Variants in MPRIP observed in about 807,000 individuals in gnomAD.
MPRIP encodes the protein myosin phosphatase Rho-interacting protein.
Under a neutral mutation model 234.9 loss-of-function variants are expected in MPRIP, and 59 were observed. That is an observed-to-expected ratio of 0.25 (90% CI 0.20 to 0.31). The LOEUF (loss-of-function observed/expected upper bound fraction) is 0.31. Among genes scored for constraint, MPRIP ranks in the 10% least tolerant of loss-of-function variants. The pLI is 1.00. For synonymous variants in MPRIP, 1,144 were observed against 1,263.9 expected, an observed-to-expected ratio of 0.91 and a Z score of 2.01; for missense variants, 2,436 against 3,071.0, an observed-to-expected ratio of 0.79 and a Z score of 4.89.
chr17:17,176,920 CAG>C (rs749793247), intron 21 of MPRIP, among the ~76,000 whole-genome samples: 22 of 152,198 alleles, frequency 1.4e-4, no homozygotes, highest in Non-Finnish European at 8.8e-5. Flanking sequence ...ATCTAGGACA[CAG>C]AGAGGATTTC....
At chr17:17,101,170 C>T (rs1245147325) in intron 3 of MPRIP, among the ~76,000 whole-genome samples, 6 of 152,218 alleles carry the variant, frequency 3.9e-5, no homozygotes, top group Non-Finnish European at 8.8e-5. Context: ...GAGAGCCTTG[C>T]TTCACCCTCA....
chr17:17,060,896 T>C (rs2088849254), intron 1 of MPRIP, among the ~76,000 whole-genome samples: 1 of 152,206 alleles, frequency 6.6e-6, no homozygotes, highest in African/African-American at 2.4e-5. Flanking sequence ...TCTCCAGGAC[T>C]CAAGGCCCCA....
chr17:17,179,432 G>GA (rs1259438819), intron 22 of MPRIP: 1 of 142,782 alleles, frequency 7.0e-6, no homozygotes, highest in Non-Finnish European at 1.5e-5. Flanking sequence ...CCTGGCGACA[G>GA]AGCAAGACTC....
At chr17:17,150,104 C>A in intron 11 of MPRIP, 40 bp from the exon 12 acceptor site, 1 of 1,520,416 alleles carries the variant, frequency 6.6e-7, no homozygotes, top group Non-Finnish European at 9.1e-7. Flanking sequence ...ATTGGTTCTA[C>A]TTCCTAAAAA....
chr17:17,076,213 CT>C (rs757330682), intron 2 of MPRIP: 9 of 156,318 alleles, frequency 5.8e-5, no homozygotes, highest in Non-Finnish European at 1.3e-4. Flanking sequence ...GAGGCCTTGG[CT>C]TACCTCTTAC....
chr17:17,129,615 C>T (rs1729615634), intron 4 of MPRIP, among the ~76,000 whole-genome samples: 1 of 152,198 alleles, frequency 6.6e-6, no homozygotes, highest in Non-Finnish European at 1.5e-5. Flanking sequence ...CCTAGGCTTG[C>T]TGGAGCCAGC....
At position 17,154,392 on chromosome 17, in the gene MPRIP, G is replaced by A. The variant is rs755779604; in HGVS notation, c.1806G>A (p.Pro602=). 2.5e-5 allele frequency: 40 copies of A among 1,613,998 alleles called. No individual in the cohort carries two copies. In the Admixed American group the frequency reaches 3.3e-4, roughly 13 times the overall value. Residue 602 remains proline, a synonymous_variant, in exon 13 of 24, where the codon CCG becomes CCA. Coordinates refer to ENST00000651222, the MANE Select transcript of MPRIP (RefSeq NM_001364716.4). Reference sequence around the variant, plus strand: ...AGACCATCATGAAGCACGTGCACCCGACCACTGCCCCGGATGTGACCAGGT... The same window carrying A: ...AGACCATCATGAAGCACGTGCACCCAACCACTGCCCCGGATGTGACCAGGT... The part of the protein sequence containing the change: ...WIQTIMKHVH[P]TTAPDVTSSL...
intron 9 of MPRIP, among the ~76,000 whole-genome samples, chr17:17,144,134 C>T (rs577755210): frequency 1.3e-5 from 2 of 152,240 alleles, no homozygotes; most frequent in Admixed American, 6.5e-5. Flanking sequence ...AACAGAGGTG[C>T]GGAAGGAGTG....
chr17:17,178,173 T>G (rs2046298131), intron 22 of MPRIP, among the ~76,000 whole-genome samples: 1 of 152,144 alleles, frequency 6.6e-6, no homozygotes, highest in South Asian at 2.1e-4. Flanking sequence ...TCCAGCCACC[T>G]TGGCCTCCCA....
chr17:17,091,557 G>A (rs772091872), intron 3 of MPRIP, among the ~76,000 whole-genome samples: 2 of 152,232 alleles, frequency 1.3e-5, no homozygotes, highest in African/African-American at 2.4e-5. Context: ...GGGGCTGAAT[G>A]GAATGTGTTG....
At chr17:17,083,040 G>A (rs2089501767) in intron 3 of MPRIP, among the ~76,000 whole-genome samples, 1 of 152,200 alleles carries the variant, frequency 6.6e-6, no homozygotes, top group African/African-American at 2.4e-5. Flanking sequence ...ACCTTCTGTG[G>A]CAGGCATGGT....
intron 10 of MPRIP, among the ~76,000 whole-genome samples, chr17:17,146,793 C>G (rs576543492): frequency 3.2e-4 from 48 of 152,380 alleles, no homozygotes; most frequent in African/African-American, 1.1e-3. Context: ...TATTTCTCCT[C>G]CATATCAAAT....
At chr17:17,073,940 C>G (rs2089265176) in intron 1 of MPRIP, among the ~76,000 whole-genome samples, 1 of 152,200 alleles carries the variant, frequency 6.6e-6, no homozygotes, top group Non-Finnish European at 1.5e-5. Context: ...TTCCCCCGAC[C>G]CCAGGCACAC....
chr17:17,075,257 C>A (rs969751655), intron 1 of MPRIP, among the ~76,000 whole-genome samples: 2 of 152,200 alleles, frequency 1.3e-5, no homozygotes, highest in African/African-American at 4.8e-5. Flanking sequence ...GATTCTTTGG[C>A]CAGAGCTGGC....
intron 1 of MPRIP, among the ~76,000 whole-genome samples, chr17:17,056,488 G>T (rs1264590868): frequency 1.3e-5 from 2 of 152,188 alleles, no homozygotes; most frequent in Admixed American, 1.3e-4. Flanking sequence ...GGACCTGTGT[G>T]TGGGCAGAGG....
chr17:17,177,199 T>A (rs761387323), intron 21 of MPRIP, 51 bp from the exon 22 acceptor site: 2 of 1,566,426 alleles, frequency 1.3e-6, no homozygotes, highest in Non-Finnish European at 1.8e-6. Context: ...ATGTTGTATG[T>A]GCTCCTCTTT....
chr17:17,146,205 GC>G, intron 10 of MPRIP, 113 bp downstream of exon 10: 2 of 915,248 alleles, frequency 2.2e-6, no homozygotes, highest in Non-Finnish European at 3.5e-6. Context: ...CCTCCTCCAT[GC>G]CCCTTGTCTT....
At chr17:17,101,037 G>A (rs550423765) in intron 3 of MPRIP, among the ~76,000 whole-genome samples, 1 of 152,146 alleles carries the variant, frequency 6.6e-6, no homozygotes, top group African/African-American at 2.4e-5. Context: ...TCAGTGGAGC[G>A]CTATATCCTG....
chr17:17,062,698 C>T (rs773006013), intron 1 of MPRIP, among the ~76,000 whole-genome samples: 12 of 152,258 alleles, frequency 7.9e-5, no homozygotes, highest in Non-Finnish European at 1.6e-4. Context: ...AATCCTTGTC[C>T]TCGCTGGTAA....
Sources: gnomAD v4.1 joint callset for allele counts (sites outside exome capture counted in the v4.1 genomes callset) on GRCh38, gnomAD v4.1.1 for gene constraint, MANE v1.5 for transcripts, NCBI Gene and HGNC (gene_info 2026-07-23, HGNC 2026-07-21) for gene names.